The following LRRTM4 variants were observed in gnomAD, a reference collection of about 807,000 sequenced individuals.
LRRTM4 encodes leucine-rich repeat transmembrane neuronal protein 4.
In LRRTM4, 25 loss-of-function variants were observed where a neutral mutation model predicts 47.6. The observed-to-expected ratio is 0.53, with a 90% confidence interval of 0.38 to 0.73. The LOEUF is 0.73. Ranked by LOEUF, LRRTM4 falls within the 30% of genes least tolerant of loss-of-function variation. The pLI is 0.00. For missense variants in LRRTM4, 638 were observed against 713.4 expected (o/e 0.89, Z 1.20); for synonymous variants, 311 against 269.5 (o/e 1.15, Z -1.51).
intron 3 of LRRTM4, among the ~76,000 whole-genome samples, chr2:77,055,455 C>G (rs1034777909): frequency 1.8e-4 from 28 of 152,214 alleles, no homozygotes; most frequent in Middle Eastern, 3.4e-3. Context: ...ACCATCACTG[C>G]CCATCAGAGA....
chr2:76,750,853 A>G (rs1672826733), intron 3 of LRRTM4, among the ~76,000 whole-genome samples: 1 of 152,180 alleles, frequency 6.6e-6, no homozygotes, highest in Non-Finnish European at 1.5e-5. Flanking sequence ...TATTAAGGGG[A>G]AAGTCACCTC....
At chr2:77,194,932 A>C (rs1215740888) in intron 3 of LRRTM4, among the ~76,000 whole-genome samples, 1 of 152,108 alleles carries the variant, frequency 6.6e-6, no homozygotes, top group Non-Finnish European at 1.5e-5. Flanking sequence ...AAGGAAATTT[A>C]TTTTGTAAGA....
At chr2:77,074,018 TTA>T (rs996399134) in intron 3 of LRRTM4, among the ~76,000 whole-genome samples, 12 of 152,136 alleles carry the variant, frequency 7.9e-5, no homozygotes, top group African/African-American at 2.9e-4. Context: ...TTGTGTACAT[TTA>T]TATTTTTCCC....
intron 3 of LRRTM4, among the ~76,000 whole-genome samples, chr2:76,984,953 A>AT (rs1676741501): frequency 6.6e-6 from 1 of 151,966 alleles, no homozygotes; most frequent in Admixed American, 6.6e-5. Flanking sequence ...CAAAATAATT[A>AT]TTTTTTCTGA....
intron 3 of LRRTM4, among the ~76,000 whole-genome samples, chr2:76,811,724 T>G (rs911944043): frequency 6.6e-6 from 1 of 152,184 alleles, no homozygotes; most frequent in Non-Finnish European, 1.5e-5. Context: ...GTCCCATGTT[T>G]GCTCTATGAA....
At chr2:77,124,236 C>T (rs1003171719) in intron 3 of LRRTM4, among the ~76,000 whole-genome samples, 18 of 151,932 alleles carry the variant, frequency 1.2e-4, no homozygotes, top group South Asian at 2.1e-4. Flanking sequence ...AACATTAGGA[C>T]GACGATGAAG....
At chr2:77,437,148 T>A (rs1573412886) in intron 3 of LRRTM4, among the ~76,000 whole-genome samples, 1 of 152,044 alleles carries the variant, frequency 6.6e-6, no homozygotes, top group East Asian at 1.9e-4. Flanking sequence ...CTGTTACATT[T>A]CTAGTTAGCT....
At chr2:77,208,134 C>A (rs1467690119) in intron 3 of LRRTM4, among the ~76,000 whole-genome samples, 1 of 152,004 alleles carries the variant, frequency 6.6e-6, no homozygotes, top group Non-Finnish European at 1.5e-5. Context: ...CCACCTTGGC[C>A]TCCCAAAGTG....
At chr2:77,091,144 TTAAC>T (rs1238094009) in intron 3 of LRRTM4, among the ~76,000 whole-genome samples, 6 of 151,870 alleles carry the variant, frequency 4.0e-5, no homozygotes, top group South Asian at 4.2e-4. Flanking sequence ...CTGAGACACT[TTAAC>T]TAAATTATCT....
In LRRTM4 at chr2:77,021,163, T is replaced by C. The variant is rs75858966; in HGVS notation, c.1552-272247A>G. Among the ~76,000 whole-genome samples, 467 of 152,114 alleles carry C rather than the reference T, an allele frequency of 3.1e-3. 6 individuals carry two copies. The East Asian group carries it at 0.05, about 16-fold the overall frequency. ...ATCTATCTATTGCCTTATCTATATG[T>C]ATAGCCATATATATGTATATAATCA... On this transcript the variant is annotated intron_variant, in intron 3 of 3. Transcript: ENST00000409884.
intron 3 of LRRTM4, among the ~76,000 whole-genome samples, chr2:77,373,965 G>T (rs1180413296): frequency 1.3e-5 from 2 of 151,740 alleles, no homozygotes; most frequent in African/African-American, 4.8e-5. Context: ...TAAGTTAACA[G>T]AGTCAAACAA....
intron 3 of LRRTM4, among the ~76,000 whole-genome samples, chr2:77,367,904 G>A (rs1242856766): frequency 1.3e-5 from 2 of 151,836 alleles, no homozygotes; most frequent in African/African-American, 4.8e-5. Context: ...GTCACATATG[G>A]CTACTTAAAT....
At chr2:77,087,923 T>C (rs1047584920) in intron 3 of LRRTM4, among the ~76,000 whole-genome samples, 2 of 152,176 alleles carry the variant, frequency 1.3e-5, no homozygotes, top group African/African-American at 4.8e-5. Flanking sequence ...TTGCCAAGGT[T>C]CCCTTTTTCC....
intron 3 of LRRTM4, among the ~76,000 whole-genome samples, chr2:77,477,857 GAA>G (rs1677469871): frequency 1.5e-5 from 1 of 64,718 alleles, no homozygotes; most frequent in African/African-American, 6.0e-5. Flanking sequence ...AAAAAAAAAA[GAA>G]AGAGAGAGAG....
intron 3 of LRRTM4, among the ~76,000 whole-genome samples, chr2:76,801,053 A>C (rs973373209): frequency 6.0e-5 from 9 of 149,580 alleles, no homozygotes; most frequent in African/African-American, 2.2e-4. Flanking sequence ...GAACACTTTT[A>C]CACTGTTGGT....
At chr2:76,954,404 G>T (rs1675601638) in intron 3 of LRRTM4, among the ~76,000 whole-genome samples, 1 of 151,542 alleles carries the variant, frequency 6.6e-6, no homozygotes, top group African/African-American at 2.4e-5. Flanking sequence ...AGAATACAAT[G>T]ACCGAATTGA....
intron 3 of LRRTM4, among the ~76,000 whole-genome samples, chr2:77,233,769 TTGC>T (rs1361161537): frequency 1.8e-5 from 2 of 111,386 alleles, no homozygotes; most frequent in Non-Finnish European, 4.2e-5. Flanking sequence ...TTTCTGTTTG[TTGC>T]TGTTGTTGTT....
At chr2:76,911,840 A>G (rs560560773) in intron 3 of LRRTM4, among the ~76,000 whole-genome samples, 2 of 145,092 alleles carry the variant, frequency 1.4e-5, no homozygotes, top group Non-Finnish European at 3.0e-5. Flanking sequence ...GTGTGTGTGT[A>G]TATTTGTGTG....
At chr2:77,448,391 C>T (rs1023916355) in intron 3 of LRRTM4, among the ~76,000 whole-genome samples, 2 of 151,920 alleles carry the variant, frequency 1.3e-5, no homozygotes, top group Non-Finnish European at 2.9e-5. Flanking sequence ...TCCTGAGTCT[C>T]ATCTTAAATT....
Sources: gnomAD v4.1 joint callset for allele counts (sites outside exome capture counted in the v4.1 genomes callset) on GRCh38, gnomAD v4.1.1 for gene constraint, MANE v1.5 for transcripts, NCBI Gene and HGNC (gene_info 2026-07-23, HGNC 2026-07-21) for gene names.